The following PTPRQ variants were observed in gnomAD, a reference collection of about 807,000 sequenced individuals.
PTPRQ encodes phosphatidylinositol phosphatase PTPRQ.
PTPRQ carries 199 observed loss-of-function variants against 246.0 expected under a neutral mutation model. The ratio of observed to expected loss-of-function variants is 0.81; its 90% CI spans 0.72 to 0.91. The LOEUF is 0.91. PTPRQ is among the 40% of genes least tolerant of loss of function. The probability of loss-of-function intolerance (pLI) is 0.00; values close to 1 mark genes in which losing one functional copy is unlikely to be tolerated. For missense variants in PTPRQ, 2,624 were observed against 2,528.4 expected (o/e 1.04, Z -0.81); for synonymous variants, 869 against 853.2 (o/e 1.02, Z -0.32).
chr12:80,498,217 T>C (rs1894687797), intron 14 of PTPRQ, among the ~76,000 whole-genome samples: 1 of 152,104 alleles, frequency 6.6e-6, no homozygotes, highest in Non-Finnish European at 1.5e-5. Context: ...CAGTTTTATT[T>C]TGCAGTGGAT....
intron 14 of PTPRQ, among the ~76,000 whole-genome samples, chr12:80,499,094 A>G (rs1038794439): frequency 2.9e-5 from 4 of 136,376 alleles, no homozygotes; most frequent in African/African-American, 1.1e-4. Context: ...AAAAGGACTC[A>G]CAAGTTATAG....
At chr12:80,625,813 A>T (rs1486125087) in intron 33 of PTPRQ, among the ~76,000 whole-genome samples, 1 of 152,178 alleles carries the variant, frequency 6.6e-6, no homozygotes, top group Non-Finnish European at 1.5e-5. Context: ...AAGATTGAGT[A>T]TTGGCATTTT....
At chr12:80,608,943 T>A (rs1423542876) in intron 27 of PTPRQ, among the ~76,000 whole-genome samples, 1 of 150,684 alleles carries the variant, frequency 6.6e-6, no homozygotes, top group Non-Finnish European at 1.5e-5. Context: ...GATATTCAAA[T>A]GTTAACAACT....
chr12:80,536,098 C>CT (rs138374266), intron 19 of PTPRQ, among the ~76,000 whole-genome samples: 1,859 of 152,304 alleles, frequency 0.012, 44 homozygotes, highest in African/African-American at 0.043. Context: ...GAGAGCGAGA[C>CT]TCCATCTCAA....
At position 80,555,629 on chromosome 12, in the gene PTPRQ, G is replaced by A. The variant is rs144698713; in HGVS notation, c.4285+5895G>A. On this transcript the variant is annotated intron_variant, in intron 25 of 44. Coordinates refer to ENST00000644991, the MANE Select transcript of PTPRQ (RefSeq NM_001145026.2). ...AGTGAATAAAAACATTCAACTTACC[G>A]GTGGGTAATCACTAGAAGCACAAAA... 2.7e-3 allele frequency among the ~76,000 whole-genome samples: 410 copies of A among 152,224 alleles called. 3 individuals are homozygous for A. Among genetic ancestry groups the A allele is most frequent in the African/African-American group, 9.1e-3 (377 of 41,532 alleles).
At chr12:80,493,998 C>T (rs1410288307) in intron 10 of PTPRQ, among the ~76,000 whole-genome samples, 1 of 151,940 alleles carries the variant, frequency 6.6e-6, no homozygotes, top group Non-Finnish European at 1.5e-5. Flanking sequence ...AAATACTCAC[C>T]TGACACATAT....
intron 34 of PTPRQ, among the ~76,000 whole-genome samples, chr12:80,633,379 G>T (rs1899515910): frequency 6.6e-6 from 1 of 152,108 alleles, no homozygotes; most frequent in Non-Finnish European, 1.5e-5. Context: ...TGTCTGTGCT[G>T]AATTTTCCAA....
Position 80,610,525 on chromosome 12 carries a change from A to C in PTPRQ, c.4818A>C (p.Thr1606=). The C allele has an allele frequency of 1.3e-6, 2 of 1,536,180 alleles. No homozygotes were observed. The highest frequency in any genetic ancestry group is 2.5e-5 in the East Asian group (1 of 40,308). The part of the protein sequence containing the change: ...TIEIKDLEIF[T]RYSVVITAFT... The stretch of plus-strand genomic sequence containing the variant: ...AAATTAAAGATTTAGAAATATTCAC[A>C]AGGTATTCTGTAGTGATCACTGCAT... The change falls in exon 28 of 45, where the codon ACA becomes ACC. Residue 1606 remains threonine (T), a synonymous_variant. Transcript: ENST00000644991.
chr12:80,496,618 A>G, intron 14 of PTPRQ, 87 bp downstream of exon 14: 6 of 1,395,148 alleles, frequency 4.3e-6, no homozygotes, highest in Non-Finnish European at 5.7e-6. Context: ...TACATTTTAC[A>G]TAACCTAAAA....
intron 17 of PTPRQ, among the ~76,000 whole-genome samples, chr12:80,516,323 T>C (rs1475305640): frequency 6.6e-6 from 1 of 152,182 alleles, no homozygotes; most frequent in Non-Finnish European, 1.5e-5. Context: ...GCTAAAAGAC[T>C]GAGGACTGAA....
At position 80,613,783 on chromosome 12, in the gene PTPRQ, T is replaced by A. The variant is rs1178978241; in HGVS notation, c.5110T>A (p.Phe1704Ile). 9 of 1,542,392 alleles carry A rather than the reference T, an allele frequency of 5.8e-6. No individual in the cohort carries two copies. Among genetic ancestry groups the A allele is most frequent in the Non-Finnish European group, 7.9e-6 (9 of 1,141,470 alleles). The stretch of plus-strand genomic sequence containing the variant: ...CAGTATTATACAGAAAACCAACACA[T>A]TCGTCATTGCAATGCTAGAAGGACT... ...NLSIIQKTNT[F>I]VIAMLEGLKG... Residue 1704 changes from phenylalanine (F) to isoleucine (I), a missense_variant, in exon 29 of 45, where the codon TTC becomes ATC. Coordinates refer to ENST00000644991, the MANE Select transcript of PTPRQ (RefSeq NM_001145026.2).
At chr12:80,498,566 C>T (rs1894699653) in intron 14 of PTPRQ, among the ~76,000 whole-genome samples, 1 of 152,050 alleles carries the variant, frequency 6.6e-6, no homozygotes, top group Non-Finnish European at 1.5e-5. Flanking sequence ...AGAATCCAAA[C>T]CCATCTGACT....
At chr12:80,450,341 C>A (rs1460899103) in intron 3 of PTPRQ, among the ~76,000 whole-genome samples, 2 of 152,154 alleles carry the variant, frequency 1.3e-5, no homozygotes, top group African/African-American at 4.8e-5. Context: ...AATTTGACTT[C>A]CTCTTTTCCT....
At chr12:80,609,173 T>A (rs76835033) in intron 27 of PTPRQ, among the ~76,000 whole-genome samples, 23,778 of 149,844 alleles carry the variant, frequency 0.16, 2,821 homozygotes, top group African/African-American at 0.33. Context: ...ATCTTTTTTT[T>A]AAAAAAAAAT....
intron 17 of PTPRQ, among the ~76,000 whole-genome samples, chr12:80,526,623 C>T (rs139823640): frequency 1.2e-4 from 19 of 152,142 alleles, no homozygotes; most frequent in African/African-American, 4.6e-4. Context: ...TTTAGAGGAA[C>T]TGAAGAACAG....
At chr12:80,655,401 G>C (rs558229778) in intron 38 of PTPRQ, among the ~76,000 whole-genome samples, 1 of 152,262 alleles carries the variant, frequency 6.6e-6, no homozygotes, top group East Asian at 1.9e-4. Context: ...TTGGTTAATA[G>C]ATCATTTCCT....
At chr12:80,471,618 C>CA (rs1454224607) in intron 7 of PTPRQ, among the ~76,000 whole-genome samples, 2 of 102,602 alleles carry the variant, frequency 1.9e-5, no homozygotes, top group Non-Finnish European at 4.0e-5. Context: ...GCTGGGACTA[C>CA]AGGCGCGCGC....
At position 80,575,018 on chromosome 12, in the gene PTPRQ, C is replaced by G. The variant is rs375537201; in HGVS notation, c.4286-13111C>G. 2.0e-5 allele frequency among the ~76,000 whole-genome samples: 3 copies of G among 152,278 alleles called. No individual in the cohort carries two copies. The South Asian group carries it at 6.2e-4, about 32-fold the overall frequency. ...TTTTTTTTCCTTTTCCAAGTTCATA[C>G]ATGTTATCTGCAGAATAGTTTGATA... is the stretch of plus-strand genomic sequence containing the variant. On this transcript the variant is annotated intron_variant, in intron 25 of 44. Transcript: ENST00000644991.
intron 43 of PTPRQ, among the ~76,000 whole-genome samples, chr12:80,677,117 C>T (rs542066346): frequency 3.9e-5 from 6 of 152,112 alleles, no homozygotes; most frequent in African/African-American, 7.2e-5. Context: ...ATCATTCTTT[C>T]CAGTGGAGAA....
Sources: allele counts gnomAD v4.1 joint callset (sites outside exome capture counted in the v4.1 genomes callset), GRCh38; gene constraint gnomAD v4.1.1; transcripts MANE v1.5; gene names NCBI Gene and HGNC (gene_info 2026-07-23, HGNC 2026-07-21).